Variants in CDK13 observed in about 807,000 individuals in gnomAD.
CDK13 encodes the protein cyclin dependent kinase 13.
CDK13 carries 40 observed loss-of-function variants against 137.6 expected under a neutral mutation model. The observed-to-expected ratio is 0.29, with a 90% CI of 0.23 to 0.38. CDK13 has a LOEUF of 0.38. Among genes scored for constraint, CDK13 ranks in the 10% least tolerant of loss-of-function variants. CDK13 has a pLI of 1.00. For missense variants in CDK13, 1,704 were observed against 1,951.8 expected, an observed-to-expected ratio of 0.87 and a Z score of 2.39; for synonymous variants, 869 against 760.1, an observed-to-expected ratio of 1.14 and a Z score of -2.36.
At position 39,951,094 on chromosome 7, in the gene CDK13, C is replaced by A. The variant is rs1228382061; in HGVS notation, c.453C>A (p.Ser151=). Residue 151 remains serine, a synonymous_variant, in exon 1 of 14, where the codon TCC becomes TCA. Coordinates refer to ENST00000181839, the MANE Select transcript of CDK13 (RefSeq NM_003718.5). ...TPLVEYEDVS[S]QSEQGLLLGG... is the part of the protein sequence containing the mutation. ...TGGTGGAATACGAGGATGTGAGCTCCCAGTCCGAGCAGGGGCTGCTGCTGG... is the reference window on the plus strand; with the variant it reads ...TGGTGGAATACGAGGATGTGAGCTCACAGTCCGAGCAGGGGCTGCTGCTGG... The A allele has an allele frequency of 1.6e-6, 2 of 1,260,276 alleles. No homozygotes were observed. The highest frequency in any genetic ancestry group is 2.0e-6 in the Non-Finnish European group (2 of 1,004,018). The allele number at this position is 1,260,276 out of a possible 1,614,324, so 78.1% of individuals were successfully genotyped here.
At chr7:40,018,680 C>T (rs1352785107) in intron 5 of CDK13, among the ~76,000 whole-genome samples, 1 of 152,142 alleles carries the variant, frequency 6.6e-6, no homozygotes, top group African/African-American at 2.4e-5. Flanking sequence ...CTGTTATGTT[C>T]TCACTTATAA....
chr7:40,036,688 T>C (rs1424448556), intron 5 of CDK13, among the ~76,000 whole-genome samples: 6 of 151,736 alleles, frequency 4.0e-5, no homozygotes, highest in Non-Finnish European at 8.8e-5. Context: ...CTAAATTTAC[T>C]TATCCCTGTC....
At chr7:39,979,761 C>G (rs970037396) in intron 1 of CDK13, among the ~76,000 whole-genome samples, 9 of 151,818 alleles carry the variant, frequency 5.9e-5, no homozygotes, top group African/African-American at 2.2e-4. Context: ...CGGGGTTATT[C>G]TGGGTTATCT....
chr7:40,042,477 C>CTTT (rs5883713), intron 5 of CDK13, among the ~76,000 whole-genome samples: 159 of 75,836 alleles, frequency 2.1e-3, no homozygotes, highest in East Asian at 2.4e-3. Flanking sequence ...TCTTTTCTTT[C>CTTT]TTTTTTTTTT....
At chr7:40,024,645 G>GTTTTTTTTTTTTTTTT (rs58010602) in intron 5 of CDK13, among the ~76,000 whole-genome samples, 3 of 50,264 alleles carry the variant, frequency 6.0e-5, no homozygotes, top group African/African-American at 2.5e-4. Flanking sequence ...GTAGCTCTGT[G>GTTTTTTTTTTTTTTTT]TTTTTTTTTT....
intron 2 of CDK13, among the ~76,000 whole-genome samples, chr7:39,995,811 C>T (rs1019000889): frequency 2.6e-5 from 4 of 152,096 alleles, no homozygotes; most frequent in South Asian, 2.1e-4. Flanking sequence ...AGTACAAGAC[C>T]AGCCTGGCCA....
intron 9 of CDK13, among the ~76,000 whole-genome samples, chr7:40,068,691 G>A (rs1398533378): frequency 8.2e-6 from 1 of 121,596 alleles, no homozygotes; most frequent in Non-Finnish European, 1.6e-5. Flanking sequence ...GGGTGACAGA[G>A]TGAGACTATG....
Position 40,092,993 on chromosome 7 carries a change from A to G in CDK13, c.3444A>G (p.Pro1148=). ...AAAAACAGACAGATCCATCAACACC[A>G]CAACAGGAGTCTTCGAAACCGTTGG... ...TGEKQTDPST[P]QQESSKPLGG... The change falls in exon 13 of 14, where the codon CCA becomes CCG. Residue 1148 remains proline, a synonymous_variant. Transcript: ENST00000181839. 1.2e-6 allele frequency: 2 copies of G among 1,614,236 alleles called. No individual in the cohort carries two copies. Among genetic ancestry groups the G allele is most frequent in the South Asian group, 1.1e-5 (1 of 91,084 alleles).
intron 1 of CDK13, among the ~76,000 whole-genome samples, chr7:39,968,933 C>T (rs1044809534): frequency 3.5e-4 from 54 of 152,166 alleles, no homozygotes; most frequent in African/African-American, 1.3e-3. Flanking sequence ...TTTCTTATAT[C>T]TTAGTTTGTA....
intron 3 of CDK13, chr7:39,998,881 T>C (rs973180894): frequency 6.6e-6 from 1 of 152,142 alleles, no homozygotes; most frequent in African/African-American, 2.4e-5. Context: ...TTTCAGATGA[T>C]TTCATCCAGT....
In CDK13 at chr7:39,951,237, G is replaced by A; in HGVS notation, c.596G>A (p.Arg199His). ...RRGEGSERRP[R>H]RDRRSSSGRS... ...GGGGAGGGGTCGGAGCGCAGGCCCC[G>A]CCGGGACCGCCGCAGCAGCAGTGGC... The change falls in exon 1 of 14, where the codon CGC (arginine) becomes CAC (histidine). Residue 199 changes from arginine to histidine, a missense_variant. Arg to His is a conservative substitution (Grantham distance 29). Coordinates refer to ENST00000181839, the MANE Select transcript of CDK13 (RefSeq NM_003718.5). The A allele has an allele frequency of 7.8e-7, 1 of 1,286,948 alleles. No individual in the cohort carries two copies. The highest frequency in any genetic ancestry group is 9.8e-7 in the Non-Finnish European group (1 of 1,020,982). 79.7% of individuals were successfully genotyped at this position (1,286,948 alleles called of 1,614,324 possible).
chr7:39,953,879 T>C (rs1395119857), intron 1 of CDK13, among the ~76,000 whole-genome samples: 1 of 152,196 alleles, frequency 6.6e-6, no homozygotes, highest in African/African-American at 2.4e-5. Flanking sequence ...ATTTGGGACT[T>C]GAGTGTTTTA....
At chr7:40,064,580 G>C (rs569035373) in intron 9 of CDK13, among the ~76,000 whole-genome samples, 1 of 151,980 alleles carries the variant, frequency 6.6e-6, no homozygotes, top group South Asian at 2.1e-4. Flanking sequence ...TTTACTATAG[G>C]GTACAGCAGG....
chr7:40,093,633 A>G (rs562378938), intron 13 of CDK13, among the ~76,000 whole-genome samples: 1 of 152,330 alleles, frequency 6.6e-6, no homozygotes, highest in African/African-American at 2.4e-5. Flanking sequence ...GGCTGGGTGC[A>G]GTGGCTCACA....
intron 1 of CDK13, among the ~76,000 whole-genome samples, chr7:39,959,470 CTT>C (rs879337341): frequency 3.5e-5 from 5 of 143,650 alleles, no homozygotes; most frequent in African/African-American, 2.6e-5. Flanking sequence ...CTTTTTCTTT[CTT>C]TTTTTTTTTT....
chr7:39,977,326 A>G (rs575352713), intron 1 of CDK13, among the ~76,000 whole-genome samples: 1 of 152,356 alleles, frequency 6.6e-6, no homozygotes, highest in East Asian at 1.9e-4. Context: ...TAGGAATACT[A>G]TCAGCAGTGT....
chr7:40,030,214 G>T (rs1207672507), intron 5 of CDK13, among the ~76,000 whole-genome samples: 1 of 147,922 alleles, frequency 6.8e-6, no homozygotes, highest in African/African-American at 2.5e-5. Flanking sequence ...AATTAGAAGA[G>T]AAAATTATAT....
chr7:39,965,321 A>T (rs1025634757), intron 1 of CDK13, among the ~76,000 whole-genome samples: 1 of 152,172 alleles, frequency 6.6e-6, no homozygotes, highest in Non-Finnish European at 1.5e-5. Flanking sequence ...GGGTGCATAT[A>T]TATTTAGGAT....
chr7:40,092,030 G>A (rs1249657494), intron 12 of CDK13, among the ~76,000 whole-genome samples: 2 of 151,996 alleles, frequency 1.3e-5, no homozygotes, highest in Admixed American at 6.6e-5. Flanking sequence ...CCTTATTACT[G>A]GTGATGAGTT....
Sources: gnomAD v4.1 joint callset for allele counts (sites outside exome capture counted in the v4.1 genomes callset) on GRCh38, gnomAD v4.1.1 for gene constraint, MANE v1.5 for transcripts, NCBI Gene and HGNC (gene_info 2026-07-23, HGNC 2026-07-21) for gene names.